The following NDUFAF5 variants were observed in gnomAD, a reference collection of about 807,000 sequenced individuals.
The protein encoded by NDUFAF5 is arginine-hydroxylase NDUFAF5, mitochondrial.
Under a neutral mutation model 48.9 loss-of-function variants are expected in NDUFAF5, and 34 were observed. The observed-to-expected ratio is 0.70, with a 90% CI of 0.53 to 0.93. The LOEUF is 0.93. Ranked by LOEUF, NDUFAF5 falls within the 40% of genes least tolerant of loss-of-function variation. The probability of loss-of-function intolerance (pLI) is 0.00; values close to 1 mark genes in which losing one functional copy is unlikely to be tolerated. For synonymous variants in NDUFAF5, 153 were observed against 150.6 expected (o/e 1.02, Z -0.12); for missense variants, 428 against 427.5 (o/e 1.00, Z -0.01).
At position 13,819,324 on chromosome 20, in the gene NDUFAF5, A is replaced by G. The variant is rs568919617; in HGVS notation, c.*2114A>G. On this transcript the variant is annotated 3_prime_UTR_variant, in exon 11 of 11. Transcript: ENST00000378106. ...CATAAATGTTACATTCTTAAATGGT[A>G]TATGATAAATAATCATCTTTTTTGT... The G allele has an allele frequency of 6.6e-6, 1 of 152,320 alleles. No homozygotes were observed. The highest frequency in any genetic ancestry group is 1.5e-5 in the Non-Finnish European group (1 of 68,022). 9.4% of individuals were successfully genotyped at this position (152,320 alleles called of 1,614,324 possible).
intron 6 of NDUFAF5, 86 bp from the exon 7 acceptor site, chr20:13,801,400 A>G (rs1282940582): frequency 1.2e-6 from 1 of 811,408 alleles, no homozygotes. Context: ...TTGTCATAAA[A>G]TGTTAATTTA....
At chr20:13,800,394 T>G (rs144631487) in intron 6 of NDUFAF5, among the ~76,000 whole-genome samples, 61 of 152,364 alleles carry the variant, frequency 4.0e-4, no homozygotes, top group Non-Finnish European at 6.6e-4. Flanking sequence ...GTACTTTTAT[T>G]AGAAGAGCCT....
At chr20:13,816,349 C>G (rs1986454383) in intron 8 of NDUFAF5, 114 bp from the exon 9 acceptor site, 1 of 782,264 alleles carries the variant, frequency 1.3e-6, no homozygotes, top group African/African-American at 1.7e-5. Flanking sequence ...GTTTACATGA[C>G]CCTTAGAGAA....
At chr20:13,805,326 A>C (rs1396206057) in intron 7 of NDUFAF5, among the ~76,000 whole-genome samples, 1 of 152,234 alleles carries the variant, frequency 6.6e-6, no homozygotes, top group African/African-American at 2.4e-5. Context: ...TATGTGAACT[A>C]CACATGGTTT....
intron 7 of NDUFAF5, among the ~76,000 whole-genome samples, chr20:13,808,416 AGAAT>A (rs1175692431): frequency 6.6e-6 from 1 of 152,158 alleles, no homozygotes; most frequent in African/African-American, 2.4e-5. Context: ...TACTAGATAT[AGAAT>A]GAAATATTTT....
chr20:13,807,047 ATTTT>A (rs11474866), intron 7 of NDUFAF5, among the ~76,000 whole-genome samples: 1 of 134,526 alleles, frequency 7.4e-6, no homozygotes, highest in Non-Finnish European at 1.6e-5. Flanking sequence ...ACACCCAGCA[ATTTT>A]TTTTTTTTTT....
intron 7 of NDUFAF5, among the ~76,000 whole-genome samples, chr20:13,805,511 G>C (rs1263099137): frequency 2.0e-5 from 3 of 151,916 alleles, no homozygotes; most frequent in Middle Eastern, 3.2e-3. Flanking sequence ...TAAAAATATT[G>C]GTGTAGAATC....
At position 13,797,107 on chromosome 20, in the gene NDUFAF5, C is replaced by T. The variant is rs182550216; in HGVS notation, c.480-1354C>T. On this transcript the variant is annotated intron_variant, in intron 5 of 10. Transcript: ENST00000378106. ...GCCAAAATCCAGGACACTGACAACA[C>T]TAAATGCGACAAGGATGTGGAGTTC... is the stretch of plus-strand genomic sequence containing the variant. Among the ~76,000 whole-genome samples, 18 of 152,316 alleles carry T rather than the reference C, an allele frequency of 1.2e-4. No homozygotes were observed. The East Asian group carries it at 3.3e-3, about 28-fold the overall frequency.
intron 8 of NDUFAF5, among the ~76,000 whole-genome samples, chr20:13,810,623 T>C (rs1472334123): frequency 6.6e-6 from 1 of 152,030 alleles, no homozygotes; most frequent in African/African-American, 2.4e-5. Flanking sequence ...TTTTTTTTTT[T>C]CTAAGACTTG....
intron 3 of NDUFAF5, 121 bp from the exon 4 acceptor site, chr20:13,793,059 T>C (rs1004994577): frequency 2.9e-6 from 3 of 1,035,698 alleles, no homozygotes; most frequent in Non-Finnish European, 3.0e-6. Context: ...ACTGGTTTTA[T>C]GCAGAAATAT....
chr20:13,796,530 C>A (rs1199035037), intron 5 of NDUFAF5, among the ~76,000 whole-genome samples: 1 of 152,172 alleles, frequency 6.6e-6, no homozygotes, highest in Non-Finnish European at 1.5e-5. Flanking sequence ...ATGAGCTTAA[C>A]ACAGTATGGT....
At chr20:13,799,982 C>T (rs1192905911) in intron 6 of NDUFAF5, among the ~76,000 whole-genome samples, 1 of 151,928 alleles carries the variant, frequency 6.6e-6, no homozygotes, top group Non-Finnish European at 1.5e-5. Flanking sequence ...TAGAAAATGG[C>T]AATAGAAATA....
At chr20:13,787,486 G>A in intron 2 of NDUFAF5, 134 bp downstream of exon 2, 1 of 854,504 alleles carries the variant, frequency 1.2e-6, no homozygotes, top group Non-Finnish European at 2.0e-6. Context: ...AAATCACTCT[G>A]TAAGTCTCCT....
chr20:13,788,471 A>G, intron 2 of NDUFAF5, 118 bp from the exon 3 acceptor site: 1 of 765,192 alleles, frequency 1.3e-6, no homozygotes, highest in East Asian at 2.7e-5. Context: ...CTGAAAAGGC[A>G]GATGATGTAA....
At chr20:13,814,015 A>G (rs758873903) in intron 8 of NDUFAF5, 71 of 183,142 alleles carry the variant, frequency 3.9e-4, no homozygotes, top group Non-Finnish European at 7.1e-4. Context: ...TTTATGAGGC[A>G]TAGTTTATGA....
At chr20:13,799,109 A>G in intron 6 of NDUFAF5, among the ~76,000 whole-genome samples, 1 of 152,314 alleles carries the variant, frequency 6.6e-6, no homozygotes, top group Non-Finnish European at 1.5e-5. Flanking sequence ...CTTCATCAGC[A>G]TTAAGGAACA....
chr20:13,817,068 C>T, intron 10 of NDUFAF5, 50 bp from the exon 11 acceptor site: 1 of 1,570,692 alleles, frequency 6.4e-7, no homozygotes, highest in Non-Finnish European at 8.8e-7. Flanking sequence ...TTAATTGGGG[C>T]TGTGTATTAT....
Position 13,814,425 on chromosome 20 carries a change from G to A in NDUFAF5, c.779-2038G>A, listed in dbSNP as rs1467495976. On this transcript the variant is annotated intron_variant, in intron 8 of 10. Coordinates refer to ENST00000378106, the MANE Select transcript of NDUFAF5 (RefSeq NM_024120.5). Reference sequence around the variant, plus strand: ...GCTATTATTAATTCACAGAACAAAAGTCCAGAATGTTGACCTAATTTTACA... The same window carrying A: ...GCTATTATTAATTCACAGAACAAAAATCCAGAATGTTGACCTAATTTTACA... The A allele has an allele frequency of 3.1e-6, 4 of 1,286,842 alleles. No individual in the cohort carries two copies. In the South Asian group the frequency reaches 4.9e-5, roughly 16 times the overall value. 79.7% of individuals were successfully genotyped at this position (1,286,842 alleles called of 1,614,324 possible).
chr20:13,814,213 A>G (rs995072644), intron 8 of NDUFAF5: 4 of 343,834 alleles, frequency 1.2e-5, no homozygotes, highest in African/African-American at 6.5e-5. Context: ...GCCTTGGAAA[A>G]AGTCAGAGGC....
Sources: gnomAD v4.1 joint callset for allele counts (sites outside exome capture counted in the v4.1 genomes callset) on GRCh38, gnomAD v4.1.1 for gene constraint, MANE v1.5 for transcripts, NCBI Gene and HGNC (gene_info 2026-07-23, HGNC 2026-07-21) for gene names.